Variants in PLEKHD1 observed in about 807,000 individuals in gnomAD.
PLEKHD1 encodes pleckstrin homology domain-containing family D member 1.
In PLEKHD1, 51 loss-of-function variants were observed where a neutral mutation model predicts 69.2. The observed-to-expected ratio is 0.74, with a 90% confidence interval of 0.59 to 0.93. PLEKHD1 has a LOEUF of 0.93. PLEKHD1 is among the 40% of genes least tolerant of loss of function. The pLI is 0.00. For synonymous variants in PLEKHD1, 236 were observed against 244.7 expected (o/e 0.96, Z 0.33); for missense variants, 584 against 641.0 (o/e 0.91, Z 0.96).
chr14:69,505,290 T>C (rs1225890947), intron 6 of PLEKHD1, among the ~76,000 whole-genome samples: 1 of 152,230 alleles, frequency 6.6e-6, no homozygotes, highest in Non-Finnish European at 1.5e-5. Context: ...GCTCAGGTTC[T>C]AGTCTTTGCC....
intron 1 of PLEKHD1, among the ~76,000 whole-genome samples, chr14:69,487,214 CA>C: frequency 6.6e-6 from 1 of 151,948 alleles, no homozygotes; most frequent in South Asian, 2.1e-4. Context: ...CACACACACA[CA>C]CACACACACG....
chr14:69,485,351 C>T (rs1301484323), intron 1 of PLEKHD1, among the ~76,000 whole-genome samples: 1 of 152,212 alleles, frequency 6.6e-6, no homozygotes, highest in East Asian at 1.9e-4. Flanking sequence ...TGAACCTGAC[C>T]CTCGAGTGGG....
At chr14:69,485,592 G>C (rs1283494698) in intron 1 of PLEKHD1, among the ~76,000 whole-genome samples, 2 of 152,154 alleles carry the variant, frequency 1.3e-5, no homozygotes, top group African/African-American at 4.8e-5. Context: ...GAGGGACCTG[G>C]CCCTTCTGAA....
intron 12 of PLEKHD1, 73 bp from the exon 13 acceptor site, chr14:69,528,177 G>A: frequency 2.6e-6 from 4 of 1,516,346 alleles, no homozygotes; most frequent in Non-Finnish European, 3.6e-6. Context: ...GGGGTGGCAT[G>A]AGGCTGGGGA....
chr14:69,492,376 G>A (rs887412809), intron 1 of PLEKHD1, among the ~76,000 whole-genome samples: 3 of 152,044 alleles, frequency 2.0e-5, no homozygotes, highest in Admixed American at 6.5e-5. Context: ...GATTCCTCCC[G>A]GTCTTCACTC....
At chr14:69,522,813 G>C (rs1419231828) in intron 7 of PLEKHD1, among the ~76,000 whole-genome samples, 1 of 152,060 alleles carries the variant, frequency 6.6e-6, no homozygotes, top group Non-Finnish European at 1.5e-5. Context: ...TGTAAACCTA[G>C]TTGTACATTA....
chr14:69,475,162 G>A, the PLEKHD1 span, among the ~76,000 whole-genome samples: 1 of 152,214 alleles, frequency 6.6e-6, no homozygotes, highest in Non-Finnish European at 1.5e-5. Context: ...CTAGATGAGG[G>A]GCCAGCATCT....
At position 69,485,077 on chromosome 14, in the gene PLEKHD1, A is replaced by G; in HGVS notation, c.112A>G (p.Arg38Gly). 1 of 1,551,170 alleles carries G rather than the reference A, an allele frequency of 6.4e-7. No individual in the cohort carries two copies. The highest frequency in any genetic ancestry group is 8.7e-7 in the Non-Finnish European group (1 of 1,146,798). The stretch of plus-strand genomic sequence containing the variant: ...GCAGCTCTACGGCGTGCTGTGGAAG[A>G]GGCCTTTCGGCAGGCCGTCGGCCAA... ...KVQLYGVLWK[R>G]PFGRPSAKWS... The change falls in exon 1 of 13, where the codon AGG becomes GGG. Residue 38 changes from arginine (R) to glycine (G), a missense_variant. By Grantham distance (125) the Arg-to-Gly change is moderately radical. Transcript: ENST00000322564.
Position 69,527,319 on chromosome 14 carries a change from G to A in PLEKHD1, c.1188G>A (p.Val396=), listed in dbSNP as rs763984944. ...KEKEERMRAD[V]SHLKRFFEEC... ...AGGAGGAGAGGATGCGGGCTGATGT[G>A]AGCCATCTGAAAAGTAAGCCCTGCC... Residue 396 remains valine, a synonymous_variant, in exon 11 of 13, where the codon GTG becomes GTA. Transcript: ENST00000322564. 3 of 1,551,582 alleles carry A rather than the reference G, an allele frequency of 1.9e-6. No individual in the cohort carries two copies. The South Asian group carries it at 3.6e-5, about 18-fold the overall frequency.
Position 69,493,254 on chromosome 14 carries a change from A to G in PLEKHD1, c.150-6861A>G, listed in dbSNP as rs554042369. 4.4e-4 allele frequency among the ~76,000 whole-genome samples: 67 copies of G among 152,362 alleles called. No individual in the cohort carries two copies. In the South Asian group the frequency reaches 6.6e-3, roughly 15 times the overall value. ...CTTGCAGTCACTCTGCAGAGATAGC[A>G]GAGATAAGCTCTAGGAAGAGAAACA... On this transcript the variant is annotated intron_variant, in intron 1 of 12. Coordinates refer to ENST00000322564, the MANE Select transcript of PLEKHD1 (RefSeq NM_001161498.2).
Position 69,526,017 on chromosome 14 carries a change from A to G in PLEKHD1, c.818A>G (p.Asn273Ser), listed in dbSNP as rs1883638191. 2 of 1,551,692 alleles carry G rather than the reference A, an allele frequency of 1.3e-6. No individual in the cohort carries two copies. The highest frequency in any genetic ancestry group is 1.7e-6 in the Non-Finnish European group (2 of 1,146,982). ...GAGAACCACCTGCAGACACTGGCCA[A>G]TCAGAGTGAGCAGCCCCCTCCCAGT... is the stretch of plus-strand genomic sequence containing the variant. ...ENENHLQTLA[N>S]QSEQPPPSGG... The change falls in exon 9 of 13, where the codon AAT becomes AGT. Residue 273 changes from asparagine to serine, a missense_variant. Asn to Ser is a conservative substitution (Grantham distance 46, BLOSUM62 1). Transcript: ENST00000322564.
the PLEKHD1 span, among the ~76,000 whole-genome samples, chr14:69,476,025 A>T: frequency 6.6e-6 from 1 of 152,142 alleles, no homozygotes; most frequent in Non-Finnish European, 1.5e-5. Context: ...TGGGGAGCCG[A>T]GGCAGGTGGA....
At chr14:69,524,096 C>A in intron 7 of PLEKHD1, 133 bp from the exon 8 acceptor site, 1 of 680,894 alleles carries the variant, frequency 1.5e-6, no homozygotes, top group Non-Finnish European at 2.5e-6. Context: ...CCCAGCTGTG[C>A]AGAGGGGCTG....
At chr14:69,470,959 T>C in the PLEKHD1 span, among the ~76,000 whole-genome samples, 1 of 151,922 alleles carries the variant, frequency 6.6e-6, no homozygotes, top group Admixed American at 6.6e-5. Context: ...GCCCGGCTAA[T>C]TTTTTGTATT....
chr14:69,486,773 G>T (rs1183907514), intron 1 of PLEKHD1, among the ~76,000 whole-genome samples: 1 of 152,154 alleles, frequency 6.6e-6, no homozygotes, highest in African/African-American at 2.4e-5. Flanking sequence ...CTTCACCACT[G>T]CAGGTACATT....
chr14:69,502,763 C>T (rs762451561), intron 5 of PLEKHD1, 64 bp from the exon 6 acceptor site: 2 of 1,545,680 alleles, frequency 1.3e-6, no homozygotes, highest in African/African-American at 1.4e-5. Flanking sequence ...CACCAGCTCC[C>T]TCAGGACCTC....
At chr14:69,482,867 G>A (rs1170292040), upstream of PLEKHD1, among the ~76,000 whole-genome samples, 2 of 146,828 alleles carry the variant, frequency 1.4e-5, no homozygotes, top group East Asian at 3.9e-4. Flanking sequence ...ACCAGCCTGG[G>A]CAACATAATG....
chr14:69,509,698 G>T (rs1883227590), intron 6 of PLEKHD1, among the ~76,000 whole-genome samples: 1 of 152,158 alleles, frequency 6.6e-6, no homozygotes, highest in Non-Finnish European at 1.5e-5. Flanking sequence ...AGCACTTTGG[G>T]AGGTCGAGGC....
intron 4 of PLEKHD1, chr14:69,501,299 G>T (rs1883019520): frequency 2.6e-6 from 1 of 377,424 alleles, no homozygotes; most frequent in African/African-American, 2.0e-5. Context: ...CAAGATCACA[G>T]AAATCTCCTG....
Sources: allele counts gnomAD v4.1 joint callset (sites outside exome capture counted in the v4.1 genomes callset), GRCh38; gene constraint gnomAD v4.1.1; transcripts MANE v1.5; gene names NCBI Gene and HGNC (gene_info 2026-07-23, HGNC 2026-07-21).